CLIC5: variants seen among roughly 807,000 people sequenced by gnomAD.
CLIC5 encodes chloride intracellular channel protein 5.
In CLIC5, 20 loss-of-function variants were observed where a neutral mutation model predicts 24.7. The ratio of observed to expected loss-of-function variants is 0.81; its 90% CI spans 0.57 to 1.18. The LOEUF (loss-of-function observed/expected upper bound fraction) is 1.18. Among genes scored for constraint, CLIC5 ranks in the 50% most tolerant of loss-of-function variants. The pLI is 0.00. For synonymous variants in CLIC5, 159 were observed against 135.6 expected (o/e 1.17, Z -1.20); for missense variants, 341 against 326.1 (o/e 1.05, Z -0.35).
At chr6:45,988,721 A>C (rs1765826548) in intron 1 of CLIC5, among the ~76,000 whole-genome samples, 1 of 152,240 alleles carries the variant, frequency 6.6e-6, no homozygotes, top group Non-Finnish European at 1.5e-5. Context: ...TCACAGCATA[A>C]GCATTTTGAG....
chr6:45,969,873 G>C (rs2057148), intron 1 of CLIC5, among the ~76,000 whole-genome samples: 99,405 of 149,236 alleles, frequency 0.67, 33,532 homozygotes, highest in Admixed American at 0.74. Context: ...CCTACGACAG[G>C]TCCTGAGCTC....
chr6:46,101,891 C>G, the CLIC5 span, among the ~76,000 whole-genome samples: 1 of 151,824 alleles, frequency 6.6e-6, no homozygotes, highest in East Asian at 1.9e-4. Flanking sequence ...AATAACCATT[C>G]CATACATTAC....
At chr6:45,908,733 G>A (rs1182700298) in intron 5 of CLIC5, among the ~76,000 whole-genome samples, 2 of 152,054 alleles carry the variant, frequency 1.3e-5, no homozygotes, top group Admixed American at 6.6e-5. Context: ...GCAGATGAAA[G>A]GAATGTATAT....
chr6:45,914,078 A>G, intron 5 of CLIC5, 150 bp downstream of exon 5: 2 of 539,766 alleles, frequency 3.7e-6, no homozygotes, highest in Non-Finnish European at 5.8e-6. Flanking sequence ...GCCAACAAGC[A>G]GCAGAGGGTG....
chr6:46,113,983 T>C, the CLIC5 span, among the ~76,000 whole-genome samples: 1 of 152,132 alleles, frequency 6.6e-6, no homozygotes. Context: ...CCTTAGTCAT[T>C]TTGGGAGAAA....
chr6:46,108,640 T>C, the CLIC5 span, among the ~76,000 whole-genome samples: 1 of 152,126 alleles, frequency 6.6e-6, no homozygotes, highest in Non-Finnish European at 1.5e-5. Flanking sequence ...TAAGGTGATC[T>C]ACCAGCCTTG....
At chr6:46,014,765 C>T (rs1216646294) in intron 1 of CLIC5, 1 of 152,232 alleles carries the variant, frequency 6.6e-6, no homozygotes, top group Admixed American at 6.5e-5. Context: ...CAGTTTCTGT[C>T]CAAGGAGCAA....
intron 4 of CLIC5, among the ~76,000 whole-genome samples, chr6:45,936,251 C>G (rs1410584276): frequency 7.8e-6 from 1 of 128,378 alleles, no homozygotes; most frequent in Non-Finnish European, 1.5e-5. Context: ...GTTGCCCATG[C>G]TGGAGTGCAA....
intron 1 of CLIC5, among the ~76,000 whole-genome samples, chr6:45,963,499 C>T (rs1326683903): frequency 6.6e-6 from 1 of 152,166 alleles, no homozygotes; most frequent in Non-Finnish European, 1.5e-5. Flanking sequence ...TGCTGACATC[C>T]TCCTTTTTCT....
intron 1 of CLIC5, among the ~76,000 whole-genome samples, chr6:46,033,248 A>G (rs1471747754): frequency 6.6e-6 from 1 of 151,612 alleles, no homozygotes; most frequent in African/African-American, 2.4e-5. Flanking sequence ...CGGCCTCCCA[A>G]AGTGCTGGGA....
the CLIC5 span, among the ~76,000 whole-genome samples, chr6:46,105,536 C>T: frequency 1.3e-5 from 2 of 152,226 alleles, no homozygotes; most frequent in Admixed American, 1.3e-4. Context: ...CCTCCCTATG[C>T]TGTCTTTCTC....
At chr6:46,067,489 G>A (rs1480969424) in intron 1 of CLIC5, among the ~76,000 whole-genome samples, 1 of 152,152 alleles carries the variant, frequency 6.6e-6, no homozygotes, top group African/African-American at 2.4e-5. Flanking sequence ...ACAAAACAGT[G>A]TTCAGTAAAT....
At chr6:46,121,633 T>G in the CLIC5 span, among the ~76,000 whole-genome samples, 1 of 152,188 alleles carries the variant, frequency 6.6e-6, no homozygotes, top group African/African-American at 2.4e-5. Flanking sequence ...AGACACAGAC[T>G]GGCAAATTGG....
chr6:45,984,139 A>G (rs1765655333), intron 1 of CLIC5, among the ~76,000 whole-genome samples: 1 of 152,232 alleles, frequency 6.6e-6, no homozygotes, highest in South Asian at 2.1e-4. Flanking sequence ...AAACTAGTAC[A>G]AAAATTGAAT....
intron 6 of CLIC5, among the ~76,000 whole-genome samples, chr6:45,888,808 TA>T (rs1762326374): frequency 2.0e-5 from 3 of 152,216 alleles, no homozygotes; most frequent in Admixed American, 2.0e-4. Flanking sequence ...TCTGATGAAT[TA>T]TTATATATTT....
the CLIC5 span, among the ~76,000 whole-genome samples, chr6:46,094,671 T>C: frequency 1.3e-5 from 2 of 152,212 alleles, no homozygotes; most frequent in South Asian, 4.1e-4. Flanking sequence ...TTTGTGACTT[T>C]GCAGGGTTCA....
intron 1 of CLIC5, among the ~76,000 whole-genome samples, chr6:45,958,009 T>C (rs542231547): frequency 1.3e-5 from 2 of 152,168 alleles, no homozygotes; most frequent in South Asian, 4.2e-4. Flanking sequence ...TTGAATCATG[T>C]TCCCCCAAAT....
intron 4 of CLIC5, among the ~76,000 whole-genome samples, chr6:45,922,729 G>A (rs1036046932): frequency 6.6e-6 from 1 of 151,872 alleles, no homozygotes; most frequent in African/African-American, 2.4e-5. Context: ...TTAGGTCTTC[G>A]AATTAAGTTT....
chr6:45,969,561 A>T (rs949387660), intron 1 of CLIC5, among the ~76,000 whole-genome samples: 1 of 150,990 alleles, frequency 6.6e-6, no homozygotes, highest in Non-Finnish European at 1.5e-5. Context: ...GGAGTTTGCT[A>T]TTGAATGGAG....
Sources: gnomAD v4.1 joint callset for allele counts (sites outside exome capture counted in the v4.1 genomes callset) on GRCh38, gnomAD v4.1.1 for gene constraint, MANE v1.5 for transcripts, NCBI Gene and HGNC (gene_info 2026-07-23, HGNC 2026-07-21) for gene names.